RALGDS: variants seen among roughly 807,000 people sequenced by gnomAD.
RALGDS encodes ral guanine nucleotide dissociation stimulator.
RALGDS carries 44 observed loss-of-function variants against 99.8 expected under a neutral mutation model. The observed-to-expected ratio is 0.44, with a 90% CI of 0.35 to 0.57. The LOEUF (loss-of-function observed/expected upper bound fraction) is 0.57, where lower values mean the gene tolerates loss of function less well. Ranked by LOEUF, RALGDS falls within the 20% of genes least tolerant of loss-of-function variation. The pLI is 0.01. For missense variants in RALGDS, 1,022 were observed against 1,203.1 expected (o/e 0.85, Z 2.23); for synonymous variants, 529 against 505.0 (o/e 1.05, Z -0.64).
intron 10 of RALGDS, 29 bp from the exon 11 acceptor site, chr9:133,103,862 A>G: frequency 6.3e-7 from 1 of 1,599,218 alleles, no homozygotes; most frequent in Non-Finnish European, 8.6e-7. Context: ...AGGATGAGCA[A>G]GGCCCCTCCC....
chr9:133,102,177 A>G, intron 14 of RALGDS, 38 bp from the exon 15 acceptor site: 1 of 1,545,044 alleles, frequency 6.5e-7, no homozygotes, highest in Non-Finnish European at 8.8e-7. Flanking sequence ...GGGCTCCCCA[A>G]GGACACATCC....
rs200217503 is a variant in RALGDS at position 133,110,519 on chromosome 9, T to A, written c.295-30A>T. ...GGTGGGACAGAGGAGGGACAGACAG[T>A]CAGTGGCAGCACACGAATCTCCTGG... On this transcript the variant is annotated intron_variant, in intron 2 of 17. Coordinates refer to ENST00000372050, the MANE Select transcript of RALGDS (RefSeq NM_006266.4). 192 of 1,573,344 alleles carry A rather than the reference T, an allele frequency of 1.2e-4. 1 individual carries two copies. The highest frequency in any genetic ancestry group is 8.9e-4 in the African/African-American group (66 of 74,184).
At chr9:133,102,411 G>A (rs1367358908) in intron 14 of RALGDS, 65 bp downstream of exon 14, 2 of 1,537,982 alleles carry the variant, frequency 1.3e-6, no homozygotes, top group Non-Finnish European at 1.8e-6. Flanking sequence ...CCTGAGCCCA[G>A]GCTCAGCCCT....
chr9:133,100,359 C>A lies in RALGDS; in HGVS notation c.2478G>T (p.Pro826=). The A allele has an allele frequency of 6.2e-7, 1 of 1,614,176 alleles. No homozygotes were observed. Among genetic ancestry groups the A allele is most frequent in the Non-Finnish European group, 8.5e-7 (1 of 1,180,032 alleles). ...TGTCCATGGCCTTGCGGATTACAGC[C>A]GGAGCCTTATCTTGGCTGGTCACCT... ...SILVTSQDKA[P]AVIRKAMDKH... Residue 826 remains proline, a synonymous_variant, in exon 17 of 18, where the codon CCG becomes CCT. Coordinates refer to ENST00000372050, the MANE Select transcript of RALGDS (RefSeq NM_006266.4).
Position 133,101,721 on chromosome 9 carries a change from G to A in RALGDS, c.2253C>T (p.Gly751=). Residue 751 remains glycine (G), a synonymous_variant, in exon 16 of 18, where the codon GGC becomes GGT. Transcript: ENST00000372050. ...AGGTGCTGCTGGAGGCTGAGCTGAT[G>A]CCGGAGGTCTCCGGGGATGACTGTG... The part of the protein sequence containing the change: ...SASQSSPETS[G]ISSASSSTSS... The A allele has an allele frequency of 1.2e-6, 2 of 1,613,708 alleles. No individual in the cohort carries two copies. Among genetic ancestry groups the A allele is most frequent in the Non-Finnish European group, 1.7e-6 (2 of 1,179,830 alleles).
intron 7 of RALGDS, 144 bp from the exon 8 acceptor site, chr9:133,106,892 CAGG>C (rs964417529): frequency 5.5e-6 from 5 of 912,196 alleles, no homozygotes; most frequent in African/African-American, 3.3e-5. Context: ...CCGGGGGTGA[CAGG>C]AGGATTTTAG....
chr9:133,121,129 G>A lies in RALGDS; in HGVS notation c.26C>T (p.Ala9Val), dbSNP rs1406408186. 4.3e-5 allele frequency: 62 copies of A among 1,452,188 alleles called. No individual in the cohort carries two copies. The highest frequency in any genetic ancestry group is 5.4e-5 in the Non-Finnish European group (60 of 1,107,144). 90.0% of individuals were successfully genotyped at this position (1,452,188 alleles called of 1,614,324 possible). The change falls in exon 1 of 18, where the codon GCG becomes GTG. Residue 9 changes from alanine to valine, a missense_variant. Coordinates refer to ENST00000372050, the MANE Select transcript of RALGDS (RefSeq NM_006266.4). MVQRMWAE[A>V]AGPAGGAEPL... is the part of the protein sequence containing the mutation. ...CTCGGCGCCGCCAGCAGGCCCGGCC[G>A]CCTCGGCCCACATGCGCTGCACCAT...
chr9:133,120,884 C>A lies in RALGDS; in HGVS notation c.183+88G>T, dbSNP rs1295326004. The A allele has an allele frequency of 1.1e-5, 15 of 1,326,016 alleles. No individual in the cohort carries two copies. The South Asian group carries it at 2.2e-4, about 19-fold the overall frequency. The allele number at this position is 1,326,016 out of a possible 1,614,324, so 82.1% of individuals were successfully genotyped here. On this transcript the variant is annotated intron_variant, in intron 1 of 17. Coordinates refer to ENST00000372050, the MANE Select transcript of RALGDS (RefSeq NM_006266.4). ...GCGGCCCGCTGGGATCGCCCGGCCC[C>A]GTCCGGGGCTCGCCCCGACCTGCCC...
At chr9:133,117,547 G>T (rs866626300) in intron 1 of RALGDS, among the ~76,000 whole-genome samples, 1 of 152,252 alleles carries the variant, frequency 6.6e-6, no homozygotes, top group East Asian at 1.9e-4. Flanking sequence ...TCCCCCGCCC[G>T]TGGGCAGCCA....
rs1832587822 is a variant in RALGDS, at chr9:133,144,350, C to T, written c.18+4613G>A. ...CCCGCTGACACCACGGTCTGCAAAC[C>T]ATGGTCCTCCTCGCCACCCCTGTCA... On this transcript the variant is annotated intron_variant, in intron 1 of 17. Coordinates refer to the RALGDS transcript ENST00000393160. The surrounding 1 kb of genome is among the most constrained non-coding windows in gnomAD (Gnocchi z 4.5). Among the ~76,000 whole-genome samples the T allele has an allele frequency of 1.3e-5, 2 of 152,266 alleles. No homozygotes were observed. The highest frequency in any genetic ancestry group is 2.4e-5 in the African/African-American group (1 of 41,558).
intron 17 of RALGDS, chr9:133,099,018 C>T (rs914040279): frequency 1.2e-5 from 6 of 493,006 alleles, no homozygotes; most frequent in African/African-American, 3.9e-5. Flanking sequence ...CCTGAGCTGG[C>T]AGAGGGTCAC....
At chr9:133,125,243 T>C (rs1832111713), upstream of RALGDS, among the ~76,000 whole-genome samples, 1 of 152,362 alleles carries the variant, frequency 6.6e-6, no homozygotes, top group South Asian at 2.1e-4. Context: ...CCGTCACTAG[T>C]AGAGTTACAT....
chr9:133,118,861 A>G (rs1482587762), intron 1 of RALGDS, among the ~76,000 whole-genome samples: 2 of 152,102 alleles, frequency 1.3e-5, no homozygotes, highest in Non-Finnish European at 2.9e-5. Context: ...TAGGTCAGAG[A>G]CTTCCCTTCT....
At chr9:133,100,973 TG>T (rs1391261736) in intron 16 of RALGDS, 2 of 1,047,030 alleles carry the variant, frequency 1.9e-6, no homozygotes, top group African/African-American at 3.4e-5. Flanking sequence ...GGGTTACAAA[TG>T]GTTCATCTGT....
At chr9:133,133,484 C>T (rs1832377519), upstream of RALGDS, among the ~76,000 whole-genome samples, 3 of 152,270 alleles carry the variant, frequency 2.0e-5, no homozygotes, top group Admixed American at 6.5e-5. Context: ...CTGGCCAGGC[C>T]GCCACGTGAT....
chr9:133,112,343 G>A (rs1032960574), intron 1 of RALGDS, among the ~76,000 whole-genome samples, 191 bp from the exon 2 acceptor site: 3 of 152,002 alleles, frequency 2.0e-5, no homozygotes, highest in Non-Finnish European at 4.4e-5. Flanking sequence ...TCCCCAACCC[G>A]GCCAGCCACG....
At chr9:133,119,842 G>A (rs866763337) in intron 1 of RALGDS, among the ~76,000 whole-genome samples, 17 of 152,304 alleles carry the variant, frequency 1.1e-4, no homozygotes, top group Admixed American at 3.9e-4. Flanking sequence ...AACACTGGGC[G>A]GAGAAACAAG....
chr9:133,133,043 G>A (rs1030046668), upstream of RALGDS, among the ~76,000 whole-genome samples: 5 of 152,204 alleles, frequency 3.3e-5, no homozygotes, highest in Non-Finnish European at 5.9e-5. Context: ...GCTTGGACAA[G>A]CAGCTCCCGG....
At position 133,108,313 on chromosome 9, in the gene RALGDS, G is replaced by C. The variant is rs1473621060; in HGVS notation, c.872C>G (p.Pro291Arg). 7 of 1,547,470 alleles carry C rather than the reference G, an allele frequency of 4.5e-6. No homozygotes were observed. Among genetic ancestry groups the C allele is most frequent in the Middle Eastern group, 1.7e-4 (1 of 5,998 alleles). Residue 291 changes from proline to arginine, a missense_variant, in exon 6 of 18, where the codon CCG (proline) becomes CGG (arginine). Coordinates refer to ENST00000372050, the MANE Select transcript of RALGDS (RefSeq NM_006266.4). ...RAPSPVPAPA[P>R]EPEPAPTPAP... ...TGGTGTTGGAGCTGGCTCTGGCTCC[G>C]GGGCTGGAGCCGGCACTGGGCTGGG...
Sources: allele counts gnomAD v4.1 joint callset (sites outside exome capture counted in the v4.1 genomes callset), GRCh38; gene constraint gnomAD v4.1.1; non-coding constraint Gnocchi (gnomAD v3.1); transcripts MANE v1.5; gene names NCBI Gene and HGNC (gene_info 2026-07-23, HGNC 2026-07-21).